REV3L: variants seen among roughly 807,000 people sequenced by gnomAD.
The protein encoded by REV3L is DNA polymerase zeta catalytic subunit.
In REV3L, 69 loss-of-function variants were observed where a neutral mutation model predicts 299.4. The ratio of observed to expected loss-of-function variants is 0.23; its 90% CI spans 0.19 to 0.28. The LOEUF (loss-of-function observed/expected upper bound fraction) is 0.28. Among genes scored for constraint, REV3L ranks in the 10% least tolerant of loss-of-function variants. The pLI is 1.00. For synonymous variants in REV3L, 1,238 were observed against 1,271.4 expected, an observed-to-expected ratio of 0.97 and a Z score of 0.56; for missense variants, 3,128 against 3,693.8, an observed-to-expected ratio of 0.85 and a Z score of 3.97.
At chr6:111,357,774 C>G (rs1048829375) in intron 17 of REV3L, among the ~76,000 whole-genome samples, 2 of 152,122 alleles carry the variant, frequency 1.3e-5, no homozygotes, top group Non-Finnish European at 2.9e-5. Context: ...AGCAGGAGAG[C>G]TTTGCTTAGC....
In REV3L at chr6:111,351,706, C is replaced by T. The variant is rs752188382; in HGVS notation, c.7270G>A (p.Asp2424Asn). 4.3e-6 allele frequency: 7 copies of T among 1,613,280 alleles called. No individual in the cohort carries two copies. Among genetic ancestry groups the T allele is most frequent in the East Asian group, 4.5e-5 (2 of 44,814 alleles). Reference protein sequence around the residue: ...LLQRAAALSIDLCRMISRVPD... With the variant: ...LLQRAAALSINLCRMISRVPD... ...ACCCGAGAGATCATCCGACATAAGT[C>T]AATACTTAAAGCGGCAGCCCTTTGT... Residue 2424 changes from aspartate to asparagine, a missense_variant, in exon 19 of 32, where the codon GAC becomes AAC. Asp to Asn is a conservative substitution (Grantham distance 23). Transcript: ENST00000368802.
intron 12 of REV3L, among the ~76,000 whole-genome samples, chr6:111,377,479 G>T (rs996935924): frequency 6.6e-6 from 1 of 152,076 alleles, no homozygotes; most frequent in African/African-American, 2.4e-5. Flanking sequence ...TGGGACTACA[G>T]GCATGTATCA....
At chr6:111,481,969 G>C (rs1318601617) in intron 1 of REV3L, among the ~76,000 whole-genome samples, 1 of 152,168 alleles carries the variant, frequency 6.6e-6, no homozygotes, top group African/African-American at 2.4e-5. Flanking sequence ...CAAAATGTCT[G>C]TGCTGCTGAG....
chr6:111,345,341 C>T (rs1302128988), intron 20 of REV3L, among the ~76,000 whole-genome samples: 1 of 152,120 alleles, frequency 6.6e-6, no homozygotes, highest in African/African-American at 2.4e-5. Context: ...GAGCAATAAT[C>T]AAATATATTA....
chr6:111,343,720 G>T (rs1429404944), intron 21 of REV3L, among the ~76,000 whole-genome samples: 1 of 152,074 alleles, frequency 6.6e-6, no homozygotes, highest in Admixed American at 6.6e-5. Context: ...AGTAGAGATG[G>T]GGTTTCACCA....
At chr6:111,409,213 T>C (rs1227485573) in intron 3 of REV3L, among the ~76,000 whole-genome samples, 1 of 152,222 alleles carries the variant, frequency 6.6e-6, no homozygotes, top group East Asian at 1.9e-4. Context: ...CTCACACAGA[T>C]ATGGAGTTGA....
chr6:111,478,022 GAACACTTCAAGGATTC>G (rs1321006805), intron 1 of REV3L, among the ~76,000 whole-genome samples: 1 of 152,132 alleles, frequency 6.6e-6, no homozygotes, highest in African/African-American at 2.4e-5. Flanking sequence ...GGTCAAAAAA[GAACACTTCAAGGATTC>G]TAATATACAT....
intron 1 of REV3L, among the ~76,000 whole-genome samples, chr6:111,478,933 C>CT (rs1793274173): frequency 6.6e-6 from 1 of 152,240 alleles, no homozygotes; most frequent in Non-Finnish European, 1.5e-5. Flanking sequence ...ACATCCCACA[C>CT]TCTTCTATTT....
At chr6:111,462,718 A>C (rs2128327237) in intron 1 of REV3L, among the ~76,000 whole-genome samples, 1 of 152,324 alleles carries the variant, frequency 6.6e-6, no homozygotes, top group Admixed American at 6.5e-5. Context: ...ATAGATTGGT[A>C]TGATCACTTT....
chr6:111,421,168 T>A lies in REV3L; in HGVS notation c.140-4696A>T, dbSNP rs577155811. ...AAAACAAAACATTAAGTCCTTTATA[T>A]CCCAACATTTCTTATTGTCATTTTT... On this transcript the variant is annotated intron_variant, in intron 1 of 31. Coordinates refer to ENST00000368802, the MANE Select transcript of REV3L (RefSeq NM_001372078.1). Among the ~76,000 whole-genome samples the A allele has an allele frequency of 3.6e-4, 55 of 152,276 alleles. 1 individual carries two copies. The South Asian group carries it at 0.011, about 30-fold the overall frequency.
At chr6:111,325,316 CAT>C (rs1224273289) in intron 25 of REV3L, among the ~76,000 whole-genome samples, 5 of 152,158 alleles carry the variant, frequency 3.3e-5, no homozygotes, top group Admixed American at 1.3e-4. Flanking sequence ...AAACTGTCAA[CAT>C]ATAAAAATTT....
intron 18 of REV3L, among the ~76,000 whole-genome samples, chr6:111,352,847 C>G (rs1777713838): frequency 6.6e-6 from 1 of 152,106 alleles, no homozygotes; most frequent in African/African-American, 2.4e-5. Flanking sequence ...TTTGTGGCTC[C>G]TCTTAGAACC....
chr6:111,347,522 AGAT>A (rs1321763268), intron 20 of REV3L, among the ~76,000 whole-genome samples: 2 of 152,134 alleles, frequency 1.3e-5, no homozygotes, highest in African/African-American at 4.8e-5. Flanking sequence ...AGAGCCAAGA[AGAT>A]AATAATAATA....
intron 1 of REV3L, among the ~76,000 whole-genome samples, chr6:111,467,341 A>G (rs1182798211): frequency 6.6e-6 from 1 of 152,170 alleles, no homozygotes; most frequent in Non-Finnish European, 1.5e-5. Context: ...AAAATCTAGG[A>G]TATTATTTGG....
intron 3 of REV3L, among the ~76,000 whole-genome samples, chr6:111,407,657 G>A (rs556546195): frequency 5.3e-5 from 8 of 152,310 alleles, no homozygotes; most frequent in Non-Finnish European, 8.8e-5. Context: ...TGGGAAAGCC[G>A]AGCACAGTGG....
At chr6:111,430,350 C>G in intron 1 of REV3L, 1 of 1,184,440 alleles carries the variant, frequency 8.4e-7, no homozygotes. Context: ...TCATTAAACA[C>G]CCAATGGATT....
chr6:111,401,410 T>C lies in REV3L; in HGVS notation c.565+4060A>G, dbSNP rs527667564. On this transcript the variant is annotated intron_variant, in intron 4 of 31. Transcript: ENST00000368802. ...TCATTATATGATTCCCTCTTGGGAATTCTAAGGACCAAGGGCAAGTTATTT... is the reference window on the plus strand; with the variant it reads ...TCATTATATGATTCCCTCTTGGGAACTCTAAGGACCAAGGGCAAGTTATTT... 2.6e-5 allele frequency among the ~76,000 whole-genome samples: 4 copies of C among 152,358 alleles called. No individual in the cohort carries two copies. In the East Asian group the frequency reaches 7.7e-4, roughly 29 times the overall value.
At chr6:111,380,752 C>T (rs563438585) in intron 10 of REV3L, among the ~76,000 whole-genome samples, 4 of 152,336 alleles carry the variant, frequency 2.6e-5, no homozygotes, top group African/African-American at 9.6e-5. Flanking sequence ...GTTGTGTGCT[C>T]CAGCCAGGGC....
At chr6:111,464,828 C>A (rs958929327) in intron 1 of REV3L, among the ~76,000 whole-genome samples, 1 of 151,900 alleles carries the variant, frequency 6.6e-6, no homozygotes, top group African/African-American at 2.4e-5. Context: ...ATGGTGAAAC[C>A]CCATCTCTAC....
Sources: allele counts gnomAD v4.1 joint callset (sites outside exome capture counted in the v4.1 genomes callset), GRCh38; gene constraint gnomAD v4.1.1; transcripts MANE v1.5; gene names NCBI Gene and HGNC (gene_info 2026-07-23, HGNC 2026-07-21).